OGT: variants seen among roughly 807,000 people sequenced by gnomAD.
OGT encodes the protein O-linked N-acetylglucosamine (GlcNAc) transferase.
OGT carries 3 observed loss-of-function variants against 75.8 expected under a neutral mutation model. The ratio of observed to expected loss-of-function variants is 0.04; its 90% confidence interval spans 0.02 to 0.10. OGT has a LOEUF of 0.10. OGT is among the 10% of genes least tolerant of loss of function. The pLI, the probability that OGT is intolerant of heterozygous loss-of-function variation, is 1.00. For synonymous variants in OGT, 257 were observed against 289.7 expected (o/e 0.89, Z 1.15); for missense variants, 260 against 824.4 (o/e 0.32, Z 8.38).
At chrX:71,535,271 C>T (rs1276561939) in intron 1 of OGT, among the ~76,000 whole-genome samples, 6 of 111,503 alleles carry the variant, frequency 5.4e-5, no homozygotes, top group Admixed American at 9.5e-5. Flanking sequence ...TCCATCCTCC[C>T]TCCCTCCCAA....
intron 3 of OGT, among the ~76,000 whole-genome samples, chrX:71,543,734 ATGTGTGTGTG>A (rs1156448647): frequency 9.7e-5 from 8 of 82,449 alleles, no homozygotes; most frequent in East Asian, 3.9e-4. Context: ...AATATTTGAG[ATGTGTGTGTG>A]TGTGTGTGTG....
intron 4 of OGT, chrX:71,547,204 T>C: frequency 1.3e-6 from 1 of 754,333 alleles, no homozygotes; most frequent in Non-Finnish European, 1.6e-6. Flanking sequence ...AAAGCCTGGC[T>C]TTATGATATC....
In OGT at chrX:71,546,942, A is replaced by C. The variant is rs1047370609; in HGVS notation, c.532-965A>C. 1.2e-5 allele frequency: 9 copies of C among 753,457 alleles called. No homozygotes were observed. In the African/African-American group the frequency reaches 1.8e-4, roughly 15 times the overall value. 62.1% of individuals were successfully genotyped at this position (753,457 alleles called of 1,213,427 possible). ...TGGGTTTTAACATACCTCGAGTCCAACTAATCTCATTAAACAAATATTCTC... is the reference window on the plus strand; with the variant it reads ...TGGGTTTTAACATACCTCGAGTCCACCTAATCTCATTAAACAAATATTCTC... On this transcript the variant is annotated intron_variant, in intron 4 of 21. Coordinates refer to ENST00000373719, the MANE Select transcript of OGT (RefSeq NM_181672.3).
At chrX:71,533,684 G>C (rs1217263924) in intron 1 of OGT, among the ~76,000 whole-genome samples, 2 of 110,803 alleles carry the variant, frequency 1.8e-5, no homozygotes, top group African/African-American at 3.3e-5. Context: ...TCACTCCTTT[G>C]CAGCGGTTTT....
chrX:71,543,733 G>GGTGTGT (rs1211703806), intron 3 of OGT, among the ~76,000 whole-genome samples: 7 of 87,909 alleles, frequency 8.0e-5, no homozygotes, highest in African/African-American at 1.9e-4. Context: ...AAATATTTGA[G>GGTGTGT]ATGTGTGTGT....
At chrX:71,562,466 T>C (rs2040391255) in intron 15 of OGT, among the ~76,000 whole-genome samples, 1 of 112,289 alleles carries the variant, frequency 8.9e-6, no homozygotes, top group Admixed American at 9.4e-5. Flanking sequence ...GTCTCTCTTA[T>C]AGAACTGCTT....
At chrX:71,555,516 T>G (rs2040336724) in intron 7 of OGT, 131 bp downstream of exon 7, 5 of 579,376 alleles carry the variant, frequency 8.6e-6, no homozygotes, top group Non-Finnish European at 1.3e-5. Context: ...GAGCTTAGGG[T>G]TTCGAGACCA....
chrX:71,539,447 C>T (rs1223341245), intron 3 of OGT, among the ~76,000 whole-genome samples: 2 of 111,654 alleles, frequency 1.8e-5, no homozygotes, highest in African/African-American at 6.5e-5. Flanking sequence ...GCCTCAGCCT[C>T]CAGAGTAGCT....
chrX:71,549,946 C>A (rs983411837), intron 5 of OGT, among the ~76,000 whole-genome samples: 3 of 111,524 alleles, frequency 2.7e-5, no homozygotes, highest in Non-Finnish European at 5.7e-5. Flanking sequence ...ACTCAGGAAG[C>A]AACTTGAGGA....
At chrX:71,549,295 CAAAAAAAAAAAAAAAAAA>C (rs35779562) in intron 5 of OGT, among the ~76,000 whole-genome samples, 7 of 21,838 alleles carry the variant, frequency 3.2e-4, no homozygotes, top group African/African-American at 1.0e-3. Flanking sequence ...GGCCCTGTCT[CAAAAAAAAAAAAAAAAAA>C]AAAAAAAAAA....
At chrX:71,548,044 T>C (rs201277957) in intron 5 of OGT, 21 bp downstream of exon 5, 29 of 1,198,609 alleles carry the variant, frequency 2.4e-5, no homozygotes, top group Non-Finnish European at 3.2e-5. Context: ...AAATTAATAA[T>C]TGGTATTTTT....
chrX:71,571,081 G>A (rs866044215), intron 21 of OGT, among the ~76,000 whole-genome samples: 21 of 109,468 alleles, frequency 1.9e-4, no homozygotes, highest in African/African-American at 5.3e-4. Flanking sequence ...GATTACAGGC[G>A]CGTGAGACAC....
At chrX:71,542,171 A>G (rs1283967567) in intron 3 of OGT, among the ~76,000 whole-genome samples, 2 of 112,278 alleles carry the variant, frequency 1.8e-5, no homozygotes, top group African/African-American at 6.5e-5. Flanking sequence ...CCTGAAATGT[A>G]TTAACCTGGG....
chrX:71,542,042 T>C (rs1277844553), intron 3 of OGT, among the ~76,000 whole-genome samples: 1 of 111,939 alleles, frequency 8.9e-6, no homozygotes, highest in Non-Finnish European at 1.9e-5. Context: ...TCTTTACTAC[T>C]GAGTGGGCAT....
chrX:71,553,461 C>T lies in OGT; in HGVS notation c.649-1052C>T, dbSNP rs190277320. On this transcript the variant is annotated intron_variant, in intron 5 of 21. Coordinates refer to ENST00000373719, the MANE Select transcript of OGT (RefSeq NM_181672.3). The stretch of plus-strand genomic sequence containing the variant: ...TCAGTGTCTTAATCAAATACCTTTT[C>T]GGTGTGTGTGTTTTTTTTTGTTTTT... 7.0e-3 allele frequency among the ~76,000 whole-genome samples: 767 copies of T among 110,300 alleles called. 21 individuals carry two copies. Among genetic ancestry groups the T allele is most frequent in the Admixed American group, 0.065 (674 of 10,310 alleles).
At chrX:71,536,048 A>T in intron 1 of OGT, 130 bp from the exon 2 acceptor site, 1 of 507,878 alleles carries the variant, frequency 2.0e-6, no homozygotes, top group Non-Finnish European at 3.2e-6. Context: ...AGAACACTCT[A>T]GTGCTTTACA....
intron 3 of OGT, among the ~76,000 whole-genome samples, chrX:71,539,607 G>T (rs935929386): frequency 8.9e-6 from 1 of 112,040 alleles, no homozygotes; most frequent in Admixed American, 9.5e-5. Flanking sequence ...GTATATATAT[G>T]TACATTTGAG....
chrX:71,543,826 G>A (rs1020613442), intron 3 of OGT, among the ~76,000 whole-genome samples: 74 of 99,370 alleles, frequency 7.4e-4, no homozygotes, highest in Non-Finnish European at 1.4e-3. Context: ...AGTCTCTGTC[G>A]CCCAGGCTGG....
intron 5 of OGT, among the ~76,000 whole-genome samples, chrX:71,553,811 C>T (rs2040324860): frequency 8.9e-6 from 1 of 111,927 alleles, no homozygotes; most frequent in African/African-American, 3.2e-5. Context: ...ATTTACCATG[C>T]TGTAGGAGTA....
Sources: allele counts gnomAD v4.1 joint callset (sites outside exome capture counted in the v4.1 genomes callset), GRCh38; gene constraint gnomAD v4.1.1; transcripts MANE v1.5; gene names NCBI Gene and HGNC (gene_info 2026-07-23, HGNC 2026-07-21).